GABRR3: variants seen among roughly 807,000 people sequenced by gnomAD.
GABRR3 encodes the protein gamma-aminobutyric acid receptor subunit rho-3.
In GABRR3, 29 loss-of-function variants were observed where a neutral mutation model predicts 43.2. The ratio of observed to expected loss-of-function variants is 0.67; its 90% CI spans 0.50 to 0.92. The LOEUF (loss-of-function observed/expected upper bound fraction) is 0.92, where lower values mean the gene tolerates loss of function less well. Ranked by LOEUF, GABRR3 falls within the 40% of genes least tolerant of loss-of-function variation. The probability of loss-of-function intolerance (pLI) is 0.00; values close to 1 mark genes in which losing one functional copy is unlikely to be tolerated. For missense variants in GABRR3, 576 were observed against 572.3 expected (o/e 1.01, Z -0.07); for synonymous variants, 206 against 195.9 (o/e 1.05, Z -0.43).
At chr3:97,988,216 A>G (rs554202706) in intron 9 of GABRR3, among the ~76,000 whole-genome samples, 1 of 152,002 alleles carries the variant, frequency 6.6e-6, no homozygotes, top group Non-Finnish European at 1.5e-5. Flanking sequence ...AGAAGGACGC[A>G]TAATAGATAC....
intron 9 of GABRR3, among the ~76,000 whole-genome samples, chr3:97,991,192 G>A (rs879790732): frequency 2.0e-5 from 3 of 152,074 alleles, no homozygotes; most frequent in Non-Finnish European, 4.4e-5. Flanking sequence ...GCCACTCCTC[G>A]TATAAAAACA....
intron 7 of GABRR3, among the ~76,000 whole-genome samples, chr3:98,005,397 C>T (rs1706712609): frequency 6.6e-6 from 1 of 152,140 alleles, no homozygotes; most frequent in Non-Finnish European, 1.5e-5. Flanking sequence ...TCTCATGTTA[C>T]ACAAAGCATG....
At chr3:97,989,643 T>C (rs886399212) in intron 9 of GABRR3, among the ~76,000 whole-genome samples, 5 of 152,066 alleles carry the variant, frequency 3.3e-5, no homozygotes, top group Non-Finnish European at 5.9e-5. Flanking sequence ...TTGGCCACTC[T>C]ACTGTAGCAG....
intron 6 of GABRR3, 158 bp downstream of exon 6, chr3:98,008,798 C>CAAAAAAAAAAAAAAAAAAAA (rs57502092): frequency 1.8e-5 from 2 of 113,852 alleles, no homozygotes; most frequent in African/African-American, 6.8e-5. Flanking sequence ...AAACAGAAAC[C>CAAAAAAAAAAAAAAAAAAAA]AAAAAAAAAA....
In GABRR3 at chr3:97,993,056, T is replaced by A; in HGVS notation, c.908-8A>T. On this transcript the variant is annotated splice_region_variant and splice_polypyrimidine_tract_variant and intron_variant, in intron 8 of 9. Transcript: ENST00000621172. ...TCAGCACTGTGGTGATTCCTGCCAT[T>A]TGAGAATAGTGGCAAGCTCAGTGAT... 1.1e-5 allele frequency: 17 copies of A among 1,581,410 alleles called. No homozygotes were observed. The highest frequency in any genetic ancestry group is 1.5e-5 in the Non-Finnish European group (17 of 1,161,986).
chr3:97,987,790 T>C (rs1706407153), intron 9 of GABRR3, among the ~76,000 whole-genome samples: 2 of 152,126 alleles, frequency 1.3e-5, no homozygotes, highest in Admixed American at 6.5e-5. Flanking sequence ...TATTTTTTAT[T>C]TATTGAGACA....
At chr3:97,993,788 C>T (rs528517114) in intron 8 of GABRR3, among the ~76,000 whole-genome samples, 1 of 152,106 alleles carries the variant, frequency 6.6e-6, no homozygotes, top group East Asian at 1.9e-4. Context: ...CCTTCTTCTC[C>T]CTTTCTGCTG....
intron 4 of GABRR3, among the ~76,000 whole-genome samples, chr3:98,016,813 A>G (rs1220615013): frequency 6.6e-6 from 1 of 152,200 alleles, no homozygotes; most frequent in African/African-American, 2.4e-5. Context: ...ACCTAAAATC[A>G]CTTAAATGAA....
chr3:98,010,111 A>T (rs1250597912), intron 5 of GABRR3, among the ~76,000 whole-genome samples: 1 of 152,210 alleles, frequency 6.6e-6, no homozygotes, highest in Non-Finnish European at 1.5e-5. Flanking sequence ...AGGATCTCCA[A>T]GATCACTCTC....
chr3:98,008,318 T>C (rs552274290), intron 6 of GABRR3, among the ~76,000 whole-genome samples: 2 of 152,306 alleles, frequency 1.3e-5, no homozygotes, highest in South Asian at 4.1e-4. Flanking sequence ...AATGGGCCAA[T>C]CTTACAAGAA....
chr3:97,996,241 A>T (rs954882090), intron 8 of GABRR3, among the ~76,000 whole-genome samples: 1 of 152,182 alleles, frequency 6.6e-6, no homozygotes, highest in African/African-American at 2.4e-5. Flanking sequence ...GTGAGTAAAA[A>T]TATTTTTCAT....
chr3:98,026,158 T>C (rs1000174004), intron 2 of GABRR3, among the ~76,000 whole-genome samples: 3 of 152,100 alleles, frequency 2.0e-5, no homozygotes, highest in African/African-American at 7.2e-5. Flanking sequence ...GACCGCAAGA[T>C]TGTAAACAGA....
At chr3:98,025,794 C>T in intron 2 of GABRR3, 115 bp from the exon 3 acceptor site, 1 of 610,706 alleles carries the variant, frequency 1.6e-6, no homozygotes. Flanking sequence ...TACATAAAAG[C>T]TCATTTTCTC....
In GABRR3 at chr3:98,025,624, A is replaced by G. The variant is rs529566376; in HGVS notation, c.181T>C (p.Tyr61His). The G allele has an allele frequency of 5.0e-5, 80 of 1,612,548 alleles. No homozygotes were observed. Among genetic ancestry groups the G allele is most frequent in the Non-Finnish European group, 6.7e-5 (79 of 1,179,398 alleles). ...TCCTCTATATGGAGAAGTTGCTCAT[A>G]TTTCTGAGGCCGCGCTTTGGTACTG... The change falls in exon 3 of 10, where the codon TAT becomes CAT. Residue 61 changes from tyrosine (Y) to histidine (H), a missense_variant. Tyr to His is a moderately conservative substitution (Grantham distance 83, BLOSUM62 2). Transcript: ENST00000621172.
intron 9 of GABRR3, among the ~76,000 whole-genome samples, chr3:97,991,561 A>G (rs1256242065): frequency 6.6e-6 from 1 of 152,210 alleles, no homozygotes; most frequent in Non-Finnish European, 1.5e-5. Flanking sequence ...CTCTTATTAG[A>G]GCTTTGACTC....
In GABRR3 at chr3:98,015,221, C is replaced by G. The variant is rs117475169; in HGVS notation, c.306+2434G>C. On this transcript the variant is annotated intron_variant, in intron 4 of 9. Coordinates refer to ENST00000621172, the Ensembl canonical transcript of GABRR3. ...ACTCCTTGGTTTTATTAAAAAGAGTCTCACTCTGCCACCCAGGATTAATTG... is the reference window on the plus strand; with the variant it reads ...ACTCCTTGGTTTTATTAAAAAGAGTGTCACTCTGCCACCCAGGATTAATTG... Among the ~76,000 whole-genome samples, 7 of 152,304 alleles carry G rather than the reference C, an allele frequency of 4.6e-5. No homozygotes were observed. In the East Asian group the frequency reaches 1.3e-3, roughly 29 times the overall value.
chr3:97,985,987 CT>C (rs1188284620), downstream of GABRR3, among the ~76,000 whole-genome samples: 3 of 152,112 alleles, frequency 2.0e-5, no homozygotes, highest in African/African-American at 7.2e-5. Context: ...CTGCCTCAGC[CT>C]CCCAAGTAGC....
intron 5 of GABRR3, among the ~76,000 whole-genome samples, chr3:98,011,150 G>A (rs1181810635): frequency 6.6e-6 from 1 of 151,538 alleles, no homozygotes; most frequent in Non-Finnish European, 1.5e-5. Flanking sequence ...TCCTTTAATT[G>A]CATTTTAAGA....
chr3:98,017,855 C>A, intron 3 of GABRR3, 133 bp from the exon 4 acceptor site: 1 of 597,590 alleles, frequency 1.7e-6, no homozygotes, highest in Non-Finnish European at 2.9e-6. Flanking sequence ...ACAAATTTCT[C>A]CATTATTCAT....
Sources: allele counts gnomAD v4.1 joint callset (sites outside exome capture counted in the v4.1 genomes callset), GRCh38; gene constraint gnomAD v4.1.1; transcripts MANE v1.5; gene names NCBI Gene and HGNC (gene_info 2026-07-23, HGNC 2026-07-21).